SCAPER: variants seen among roughly 807,000 people sequenced by gnomAD.
SCAPER encodes S-phase cyclin A associated protein in the ER.
A neutral mutation model predicts 182.2 loss-of-function variants in SCAPER; 98 were observed. The ratio of observed to expected loss-of-function variants is 0.54; its 90% CI spans 0.46 to 0.64. The LOEUF (loss-of-function observed/expected upper bound fraction) is 0.64, where lower values mean the gene tolerates loss of function less well. Ranked by LOEUF, SCAPER falls within the 30% of genes least tolerant of loss-of-function variation. SCAPER has a pLI of 0.00. For synonymous variants in SCAPER, 605 were observed against 564.6 expected, an observed-to-expected ratio of 1.07 and a Z score of -1.01; for missense variants, 1,432 against 1,690.0, an observed-to-expected ratio of 0.85 and a Z score of 2.68.
At chr15:76,604,864 G>T (rs1410109002) in intron 22 of SCAPER, among the ~76,000 whole-genome samples, 3 of 151,518 alleles carry the variant, frequency 2.0e-5, no homozygotes, top group Non-Finnish European at 4.4e-5. Context: ...TGTGATTTTT[G>T]CACATTTATT....
chr15:76,883,279 TCTC>T (rs779039521), intron 2 of SCAPER, among the ~76,000 whole-genome samples: 3 of 152,218 alleles, frequency 2.0e-5, no homozygotes, highest in Non-Finnish European at 2.9e-5. Context: ...TCCATTCCTT[TCTC>T]CTCCTCAATT....
rs1215555936 is a variant in SCAPER, at chr15:76,721,769, C to T, written c.2165+6826G>A. On this transcript the variant is annotated intron_variant, in intron 17 of 31. Coordinates refer to ENST00000563290, the MANE Select transcript of SCAPER (RefSeq NM_020843.4). ...TAAGAATGCTTGTGATTTTTGTACA[C>T]TGATTTTGTATCCTGAGACTTTGCT... Among the ~76,000 whole-genome samples the T allele has an allele frequency of 6.3e-3, 953 of 152,036 alleles. 13 individuals carry two copies. The highest frequency in any genetic ancestry group is 0.019 in the African/African-American group (787 of 41,462).
chr15:76,668,796 C>T (rs1445055329), intron 20 of SCAPER, among the ~76,000 whole-genome samples: 1 of 152,148 alleles, frequency 6.6e-6, no homozygotes, highest in Non-Finnish European at 1.5e-5. Context: ...ATATGGCAAG[C>T]ACTCAGTAAG....
chr15:76,512,501 G>A (rs1034836513), intron 23 of SCAPER, among the ~76,000 whole-genome samples: 22 of 151,806 alleles, frequency 1.4e-4, no homozygotes, highest in Admixed American at 5.9e-4. Context: ...CAGAAACACC[G>A]GCTGATCAGT....
chr15:76,754,822 G>GT (rs2062315413), intron 14 of SCAPER, among the ~76,000 whole-genome samples: 1 of 152,082 alleles, frequency 6.6e-6, no homozygotes, highest in African/African-American at 2.4e-5. Context: ...TATTGGTTGT[G>GT]TAACACTAGA....
chr15:76,371,656 T>C (rs2042186955), intron 29 of SCAPER, among the ~76,000 whole-genome samples: 1 of 150,940 alleles, frequency 6.6e-6, no homozygotes, highest in African/African-American at 2.4e-5. Context: ...TGGTGGCTCA[T>C]TCCTGTAATT....
At chr15:76,733,433 C>A (rs1296590253) in intron 15 of SCAPER, 49 bp from the exon 16 acceptor site, 9 of 1,577,780 alleles carry the variant, frequency 5.7e-6, no homozygotes, top group Non-Finnish European at 7.7e-6. Context: ...AATTCTAGGG[C>A]ACATTACAAA....
intron 29 of SCAPER, among the ~76,000 whole-genome samples, chr15:76,372,037 A>T (rs12909656): frequency 0.33 from 48,926 of 150,226 alleles, 8,266 homozygotes; most frequent in East Asian, 0.58. Context: ...TTTTTTTTTT[A>T]ATCTTGTTCT....
rs1283988435 is a variant in SCAPER, at chr15:76,597,467, T to C, written c.2712-23183A>G. Among the ~76,000 whole-genome samples, 2 of 121,276 alleles carry C rather than the reference T, an allele frequency of 1.6e-5. 1 individual carries two copies. Among genetic ancestry groups the C allele is most frequent in the Non-Finnish European group, 4.0e-5 (2 of 49,982 alleles). 79.6% of individuals were successfully genotyped at this position (121,276 alleles called of 152,430 possible). The stretch of plus-strand genomic sequence containing the variant: ...AGAAAAAACTACTTTAAATTTCATA[T>C]GGAACCAAAAAAGAGCCTGTACAGC... On this transcript the variant is annotated intron_variant, in intron 22 of 31. Coordinates refer to ENST00000563290, the MANE Select transcript of SCAPER (RefSeq NM_020843.4).
At chr15:76,358,676 C>G (rs989153351) in intron 29 of SCAPER, among the ~76,000 whole-genome samples, 1 of 152,188 alleles carries the variant, frequency 6.6e-6, no homozygotes, top group African/African-American at 2.4e-5. Context: ...TAATTACCTC[C>G]TAAAAGCCCT....
chr15:76,649,805 G>A (rs898946618), intron 21 of SCAPER, among the ~76,000 whole-genome samples: 4 of 151,802 alleles, frequency 2.6e-5, no homozygotes, highest in African/African-American at 9.6e-5. Flanking sequence ...TTAAATAGAC[G>A]TTTTCAGGCA....
At chr15:76,650,406 G>T (rs1444771358) in intron 21 of SCAPER, among the ~76,000 whole-genome samples, 1 of 151,710 alleles carries the variant, frequency 6.6e-6, no homozygotes, top group African/African-American at 2.4e-5. Flanking sequence ...AGGATAAAGA[G>T]AATTAGAAGA....
At chr15:76,895,488 CT>C (rs1042529227) in intron 1 of SCAPER, among the ~76,000 whole-genome samples, 22 of 119,784 alleles carry the variant, frequency 1.8e-4, no homozygotes, top group East Asian at 9.8e-4. Flanking sequence ...TCATCCAGTT[CT>C]TTTTTTTTTC....
chr15:76,472,407 G>A (rs2050257831), intron 24 of SCAPER: 11 of 650,380 alleles, frequency 1.7e-5, no homozygotes, highest in South Asian at 1.0e-4. Context: ...TCTGGTGACT[G>A]TATAGTTTGA....
At chr15:76,454,162 G>GT (rs1233245934) in intron 25 of SCAPER, among the ~76,000 whole-genome samples, 5 of 151,152 alleles carry the variant, frequency 3.3e-5, no homozygotes, top group African/African-American at 7.3e-5. Context: ...TGCTAAGGAT[G>GT]TTTTTTTTTC....
chr15:76,720,245 A>C (rs1184842244), intron 17 of SCAPER, among the ~76,000 whole-genome samples: 1 of 152,128 alleles, frequency 6.6e-6, no homozygotes, highest in Non-Finnish European at 1.5e-5. Context: ...CTGTCCCTAC[A>C]AAGGACATGA....
rs752616331 is a variant in SCAPER, at chr15:76,711,797, C to T, written c.2166-5813G>A. Among the ~76,000 whole-genome samples the T allele has an allele frequency of 1.4e-3, 220 of 151,796 alleles. 1 individual carries two copies. Among genetic ancestry groups the T allele is most frequent in the Non-Finnish European group, 2.5e-3 (173 of 67,876 alleles). On this transcript the variant is annotated intron_variant, in intron 17 of 31. Coordinates refer to ENST00000563290, the MANE Select transcript of SCAPER (RefSeq NM_020843.4). ...TTTGATGGGGTTGTTTGTTTTTTTCCTGTAAATTTGTTTGAGTTCATTGTA... is the reference window on the plus strand; with the variant it reads ...TTTGATGGGGTTGTTTGTTTTTTTCTTGTAAATTTGTTTGAGTTCATTGTA...
At chr15:76,724,864 G>T (rs1464314621) in intron 17 of SCAPER, among the ~76,000 whole-genome samples, 2 of 151,962 alleles carry the variant, frequency 1.3e-5, no homozygotes, top group Non-Finnish European at 2.9e-5. Flanking sequence ...CTTTGCCATT[G>T]GTTCGAACTT....
intron 22 of SCAPER, among the ~76,000 whole-genome samples, chr15:76,607,506 C>T (rs1193047356): frequency 1.3e-5 from 2 of 152,102 alleles, no homozygotes; most frequent in Non-Finnish European, 2.9e-5. Context: ...TGGAGTTGCT[C>T]TTCTTGAGGA....
Sources: allele counts gnomAD v4.1 joint callset (sites outside exome capture counted in the v4.1 genomes callset), GRCh38; gene constraint gnomAD v4.1.1; transcripts MANE v1.5; gene names NCBI Gene and HGNC (gene_info 2026-07-23, HGNC 2026-07-21).